The following SCARA5 variants were observed in gnomAD, a reference collection of about 807,000 sequenced individuals.
SCARA5 encodes scavenger receptor class A, member 5 (putative).
A neutral mutation model predicts 46.3 loss-of-function variants in SCARA5; 45 were observed. The observed-to-expected ratio is 0.97, with a 90% CI of 0.76 to 1.24. SCARA5 has a LOEUF of 1.24. Ranked by LOEUF, SCARA5 falls within the 50% of genes most tolerant of loss-of-function variation. The pLI, the probability that SCARA5 is intolerant of heterozygous loss-of-function variation, is 0.00. For synonymous variants in SCARA5, 333 were observed against 306.5 expected, an observed-to-expected ratio of 1.09 and a Z score of -0.90; for missense variants, 680 against 689.0, an observed-to-expected ratio of 0.99 and a Z score of 0.15.
chr8:27,978,654 C>T (rs968830951), intron 2 of SCARA5, among the ~76,000 whole-genome samples: 6 of 151,980 alleles, frequency 3.9e-5, no homozygotes, highest in Non-Finnish European at 7.4e-5. Flanking sequence ...GGGCTACAGG[C>T]GTGCACCACC....
intron 2 of SCARA5, among the ~76,000 whole-genome samples, chr8:27,973,896 T>C (rs1808483115): frequency 6.6e-6 from 1 of 152,244 alleles, no homozygotes; most frequent in Non-Finnish European, 1.5e-5. Flanking sequence ...AAAGATTGTA[T>C]TATTCCTAGA....
chr8:27,963,558 G>A lies in SCARA5; in HGVS notation c.241+2856C>T, dbSNP rs764050191. On this transcript the variant is annotated intron_variant, in intron 3 of 8. Coordinates refer to ENST00000354914, the MANE Select transcript of SCARA5 (RefSeq NM_173833.6). ...ATTATTGGAGTAAAGCTCCCAGGAG[G>A]ACACTGGTCAGGTTGGATGATGGGC... 5.3e-5 allele frequency among the ~76,000 whole-genome samples: 8 copies of A among 152,192 alleles called. 1 individual carries two copies. Among genetic ancestry groups the A allele is most frequent in the Non-Finnish European group, 4.4e-5 (3 of 68,036 alleles).
intron 2 of SCARA5, among the ~76,000 whole-genome samples, chr8:27,968,739 C>T (rs1248445813): frequency 1.3e-5 from 2 of 152,156 alleles, no homozygotes; most frequent in Admixed American, 6.5e-5. Context: ...ATCACACAGC[C>T]GTGAACACAG....
chr8:27,906,641 C>T (rs1264519044), intron 6 of SCARA5, among the ~76,000 whole-genome samples: 1 of 152,242 alleles, frequency 6.6e-6, no homozygotes, highest in African/African-American at 2.4e-5. Flanking sequence ...CACATACGTG[C>T]TTGCTCACTC....
At chr8:27,977,203 G>C (rs572507103) in intron 2 of SCARA5, among the ~76,000 whole-genome samples, 120 of 152,092 alleles carry the variant, frequency 7.9e-4, no homozygotes, top group African/African-American at 2.7e-3. Context: ...TGACCTAATC[G>C]CCTCCCAGAG....
At chr8:27,914,451 CT>C in intron 4 of SCARA5, among the ~76,000 whole-genome samples, 1 of 152,370 alleles carries the variant, frequency 6.6e-6, no homozygotes, top group Non-Finnish European at 1.5e-5. Context: ...CAGGTGACCT[CT>C]GCCCACTCCC....
At chr8:27,901,213 G>T (rs28707442) in intron 7 of SCARA5, among the ~76,000 whole-genome samples, 45,315 of 151,982 alleles carry the variant, frequency 0.3, 7,346 homozygotes, top group East Asian at 0.46. Flanking sequence ...GAGGGGTGTC[G>T]GTCATGTTTT....
chr8:27,966,623 T>C (rs944206498), intron 2 of SCARA5, 81 bp from the exon 3 acceptor site: 46 of 1,405,406 alleles, frequency 3.3e-5, no homozygotes, highest in Non-Finnish European at 4.2e-5. Context: ...GTCTCATCTC[T>C]CCCTGATGCA....
intron 8 of SCARA5, among the ~76,000 whole-genome samples, chr8:27,874,129 T>A (rs1455073791): frequency 6.6e-6 from 1 of 152,214 alleles, no homozygotes; most frequent in Non-Finnish European, 1.5e-5. Flanking sequence ...AAACAACAGA[T>A]GCAAAAGATT....
intron 7 of SCARA5, among the ~76,000 whole-genome samples, chr8:27,898,923 C>T (rs1111619): frequency 0.58 from 88,928 of 152,088 alleles, 28,366 homozygotes; most frequent in Non-Finnish European, 0.71. Flanking sequence ...AGGTACCTGG[C>T]GGGCGGCGTG....
chr8:27,904,948 C>T, intron 6 of SCARA5, 114 bp from the exon 7 acceptor site: 3 of 914,118 alleles, frequency 3.3e-6, no homozygotes, highest in Non-Finnish European at 3.4e-6. Context: ...CAGGCAGGAG[C>T]CAGCAGCAAC....
chr8:27,976,929 AG>A (rs1808533960), intron 2 of SCARA5, among the ~76,000 whole-genome samples: 1 of 152,178 alleles, frequency 6.6e-6, no homozygotes, highest in African/African-American at 2.4e-5. Flanking sequence ...GGATCGCTTG[AG>A]CCCTCAGTCC....
At chr8:27,960,652 T>C (rs1005658839) in intron 3 of SCARA5, among the ~76,000 whole-genome samples, 1 of 152,210 alleles carries the variant, frequency 6.6e-6, no homozygotes, top group African/African-American at 2.4e-5. Flanking sequence ...CATTCCATAG[T>C]ACAGCCTCGA....
intron 3 of SCARA5, among the ~76,000 whole-genome samples, chr8:27,956,481 G>A (rs1808209268): frequency 6.6e-6 from 1 of 152,152 alleles, no homozygotes; most frequent in Non-Finnish European, 1.5e-5. Flanking sequence ...TATAAGCCAG[G>A]CATTGTGCAA....
intron 7 of SCARA5, among the ~76,000 whole-genome samples, chr8:27,902,773 C>G (rs1483244394): frequency 6.6e-6 from 1 of 152,070 alleles, no homozygotes; most frequent in Non-Finnish European, 1.5e-5. Context: ...AGGACCCAGC[C>G]CTTTAGACAA....
chr8:27,962,398 C>T (rs1808307330), intron 3 of SCARA5, among the ~76,000 whole-genome samples: 1 of 152,218 alleles, frequency 6.6e-6, no homozygotes, highest in South Asian at 2.1e-4. Flanking sequence ...CATGGGTCCC[C>T]TGAGTACAGC....
intron 2 of SCARA5, among the ~76,000 whole-genome samples, chr8:27,974,080 G>T (rs1808486098): frequency 6.6e-6 from 1 of 152,176 alleles, no homozygotes; most frequent in Admixed American, 6.5e-5. Context: ...GATGAGTAGG[G>T]AGAGGGTCCC....
At position 27,924,919 on chromosome 8, in the gene SCARA5, C is replaced by T. The variant is rs1238819703; in HGVS notation, c.242-2674G>A. Among the ~76,000 whole-genome samples, 3 of 152,236 alleles carry T rather than the reference C, an allele frequency of 2.0e-5. No individual in the cohort carries two copies. In the South Asian group the frequency reaches 6.2e-4, roughly 32 times the overall value. The stretch of plus-strand genomic sequence containing the variant: ...CAAAGAGAATAAAATACCTAGGAAT[C>T]CAACTTACAAGGGATGTGAAGGACC... On this transcript the variant is annotated intron_variant, in intron 3 of 8. Coordinates refer to ENST00000354914, the MANE Select transcript of SCARA5 (RefSeq NM_173833.6).
chr8:27,959,606 T>A (rs1325829341), intron 3 of SCARA5, among the ~76,000 whole-genome samples: 1 of 152,214 alleles, frequency 6.6e-6, no homozygotes, highest in Non-Finnish European at 1.5e-5. Context: ...GTGGAGGAAC[T>A]GGGTTCACTT....
Sources: allele counts gnomAD v4.1 joint callset (sites outside exome capture counted in the v4.1 genomes callset), GRCh38; gene constraint gnomAD v4.1.1; transcripts MANE v1.5; gene names NCBI Gene and HGNC (gene_info 2026-07-23, HGNC 2026-07-21).